Variants in GALNT13 observed in about 807,000 individuals in gnomAD.
The protein encoded by GALNT13 is polypeptide N-acetylgalactosaminyltransferase 13, also known as UDP-GalNAc:polypeptide N-acetylgalactosaminyltransferase 13.
A neutral mutation model predicts 64.2 loss-of-function variants in GALNT13; 28 were observed. That is an observed-to-expected ratio of 0.44 (90% CI 0.32 to 0.60). GALNT13 has a LOEUF of 0.60. Ranked by LOEUF, GALNT13 falls within the 20% of genes least tolerant of loss-of-function variation. The pLI, the probability that GALNT13 is intolerant of heterozygous loss-of-function variation, is 0.05. For synonymous variants in GALNT13, 214 were observed against 224.6 expected, an observed-to-expected ratio of 0.95 and a Z score of 0.42; for missense variants, 577 against 669.8, an observed-to-expected ratio of 0.86 and a Z score of 1.53.
At chr2:153,614,679 G>T in the GALNT13 span, among the ~76,000 whole-genome samples, 7 of 151,870 alleles carry the variant, frequency 4.6e-5, no homozygotes, top group African/African-American at 7.3e-5. Flanking sequence ...TTAAAATTTC[G>T]ATTGTAGAAT....
At chr2:154,024,665 G>T (rs1035775122) in intron 3 of GALNT13, among the ~76,000 whole-genome samples, 7 of 152,020 alleles carry the variant, frequency 4.6e-5, no homozygotes, top group Admixed American at 3.9e-4. Flanking sequence ...GGAGTAGTTT[G>T]ATCGTCTGAA....
chr2:153,148,325 T>A, the GALNT13 span, among the ~76,000 whole-genome samples: 2 of 151,876 alleles, frequency 1.3e-5, no homozygotes, highest in African/African-American at 4.8e-5. Flanking sequence ...CAGGAGGACA[T>A]ACACTCCAGG....
chr2:153,646,667 G>A, the GALNT13 span, among the ~76,000 whole-genome samples: 1 of 151,888 alleles, frequency 6.6e-6, no homozygotes, highest in African/African-American at 2.4e-5. Context: ...CTGTGTCCAT[G>A]TGTTCTCATT....
chr2:153,755,150 A>G, the GALNT13 span, among the ~76,000 whole-genome samples: 5 of 152,022 alleles, frequency 3.3e-5, no homozygotes, highest in African/African-American at 1.2e-4. Flanking sequence ...AAAACCAACT[A>G]CGATTGCTCA....
chr2:153,737,943 C>T, the GALNT13 span, among the ~76,000 whole-genome samples: 1 of 151,830 alleles, frequency 6.6e-6, no homozygotes, highest in Non-Finnish European at 1.5e-5. Context: ...AACAAATATA[C>T]CAAACCATGT....
At chr2:154,390,399 A>T (rs534795963) in intron 9 of GALNT13, among the ~76,000 whole-genome samples, 234 of 152,198 alleles carry the variant, frequency 1.5e-3, no homozygotes, top group African/African-American at 5.5e-3. Context: ...CCTCCAATAG[A>T]CTACAGTGTG....
chr2:153,836,692 G>A, the GALNT13 span, among the ~76,000 whole-genome samples: 4 of 137,364 alleles, frequency 2.9e-5, no homozygotes, highest in African/African-American at 5.7e-5. Context: ...AGAGTGTGAT[G>A]TTCCCCTTCC....
chr2:153,299,765 C>G, the GALNT13 span, among the ~76,000 whole-genome samples: 1 of 152,196 alleles, frequency 6.6e-6, no homozygotes, highest in Non-Finnish European at 1.5e-5. Context: ...ATCTCCAACA[C>G]AGTTGCTCGT....
chr2:153,628,296 G>A, the GALNT13 span, among the ~76,000 whole-genome samples: 1 of 151,590 alleles, frequency 6.6e-6, no homozygotes, highest in African/African-American at 2.4e-5. Flanking sequence ...TGCAAACAGG[G>A]ACAATTTGAC....
chr2:154,333,280 T>C (rs956766182), intron 9 of GALNT13, among the ~76,000 whole-genome samples: 1 of 152,062 alleles, frequency 6.6e-6, no homozygotes, highest in African/African-American at 2.4e-5. Context: ...TATATAAATG[T>C]ATACATATAT....
chr2:154,110,548 C>T (rs779292880), intron 3 of GALNT13, among the ~76,000 whole-genome samples: 8 of 151,392 alleles, frequency 5.3e-5, no homozygotes, highest in Admixed American at 2.0e-4. Flanking sequence ...CAGAAAGCAT[C>T]GAGCACAGGA....
chr2:153,500,823 C>G, the GALNT13 span, among the ~76,000 whole-genome samples: 3,420 of 152,162 alleles, frequency 0.022, 135 homozygotes, highest in African/African-American at 0.078. Context: ...TTGGTTATTT[C>G]TGTGGTTTAT....
chr2:153,148,798 CA>C, the GALNT13 span, among the ~76,000 whole-genome samples: 1 of 151,590 alleles, frequency 6.6e-6, no homozygotes, highest in South Asian at 2.1e-4. Flanking sequence ...TTTCAAAACA[CA>C]AAGAGAAAAA....
At chr2:154,014,878 G>T (rs187454673) in intron 3 of GALNT13, among the ~76,000 whole-genome samples, 2 of 151,748 alleles carry the variant, frequency 1.3e-5, no homozygotes, top group African/African-American at 4.8e-5. Flanking sequence ...TGATCTGCCC[G>T]CCTCAGCCTC....
chr2:154,270,706 C>CA (rs1691307134), intron 8 of GALNT13, among the ~76,000 whole-genome samples: 1 of 150,824 alleles, frequency 6.6e-6, no homozygotes, highest in Admixed American at 6.6e-5. Flanking sequence ...TGCACTGAAC[C>CA]TTTTTTTTTC....
the GALNT13 span, among the ~76,000 whole-genome samples, chr2:153,416,133 T>C: frequency 6.6e-6 from 1 of 152,214 alleles, no homozygotes; most frequent in East Asian, 1.9e-4. Flanking sequence ...TGATTCATAA[T>C]CATTTATTTT....
chr2:154,062,359 T>C (rs2105369773), intron 3 of GALNT13, among the ~76,000 whole-genome samples: 1 of 152,334 alleles, frequency 6.6e-6, no homozygotes, highest in South Asian at 2.1e-4. Context: ...TCTTTTTCTA[T>C]TTCTTTCTGA....
At chr2:153,721,238 ATACTT>A in the GALNT13 span, among the ~76,000 whole-genome samples, 1 of 149,672 alleles carries the variant, frequency 6.7e-6, no homozygotes, top group Admixed American at 6.6e-5. Context: ...GAGAAATAAA[ATACTT>A]TACAGACAAG....
chr2:153,788,473 C>G, the GALNT13 span, among the ~76,000 whole-genome samples: 1 of 151,960 alleles, frequency 6.6e-6, no homozygotes, highest in East Asian at 1.9e-4. Context: ...GAAAGTAAAG[C>G]CCATTACCAA....
Sources: allele counts gnomAD v4.1 joint callset (sites outside exome capture counted in the v4.1 genomes callset), GRCh38; gene constraint gnomAD v4.1.1; transcripts MANE v1.5; gene names NCBI Gene and HGNC (gene_info 2026-07-23, HGNC 2026-07-21).